The following MARCHF10 variants were observed in gnomAD, a reference collection of about 807,000 sequenced individuals.
MARCHF10 encodes the protein membrane associated ring-CH-type finger 10.
In MARCHF10, 64 loss-of-function variants were observed where a neutral mutation model predicts 76.2. That is an observed-to-expected ratio of 0.84 (90% CI 0.69 to 1.03). MARCHF10 has a LOEUF of 1.03. Among genes scored for constraint, MARCHF10 ranks in the 50% least tolerant of loss-of-function variants. MARCHF10 has a pLI of 0.00. For missense variants in MARCHF10, 875 were observed against 958.0 expected (o/e 0.91, Z 1.14); for synonymous variants, 340 against 357.5 (o/e 0.95, Z 0.55).
At chr17:62,761,213 TAG>T (rs754449121) in intron 3 of MARCHF10, among the ~76,000 whole-genome samples, 11 of 152,212 alleles carry the variant, frequency 7.2e-5, no homozygotes, top group Non-Finnish European at 1.6e-4. Context: ...ATTTTAAATT[TAG>T]AGTTTGGATA....
chr17:62,720,334 A>G (rs2090419808), intron 8 of MARCHF10, among the ~76,000 whole-genome samples: 1 of 152,164 alleles, frequency 6.6e-6, no homozygotes. Flanking sequence ...GAAGTATTCT[A>G]CAGTCCTTTG....
chr17:62,804,801 T>TACACACAC (rs140960337), intron 1 of MARCHF10: 3 of 151,262 alleles, frequency 2.0e-5, no homozygotes, highest in African/African-American at 7.3e-5. Flanking sequence ...CATTTATTTC[T>TACACACAC]ACACACACAC....
At chr17:62,804,249 G>C (rs1416273073) in intron 1 of MARCHF10, among the ~76,000 whole-genome samples, 1 of 152,180 alleles carries the variant, frequency 6.6e-6, no homozygotes, top group Non-Finnish European at 1.5e-5. Flanking sequence ...CTGCGGTGCG[G>C]CAAACGGAGA....
Position 62,701,470 on chromosome 17 carries a change from G to T in MARCHF10, c.*233C>A, listed in dbSNP as rs1406615985. 3.1e-6 allele frequency: 3 copies of T among 964,976 alleles called. No homozygotes were observed. The highest frequency in any genetic ancestry group is 3.3e-5 in the African/African-American group (2 of 60,724). 59.8% of individuals were successfully genotyped at this position (964,976 alleles called of 1,614,324 possible). ...GCAGCACCAGGCCAGCCTGCCAGGG[G>T]CTCCACAGTCCCACGCTGCTTGACC... On this transcript the variant is annotated 3_prime_UTR_variant, in exon 11 of 11. Coordinates refer to ENST00000311269, the MANE Select transcript of MARCHF10 (RefSeq NM_152598.4).
At chr17:62,764,599 T>A (rs1477957140) in intron 3 of MARCHF10, among the ~76,000 whole-genome samples, 1 of 116,580 alleles carries the variant, frequency 8.6e-6, no homozygotes. Context: ...CAAGGGACTG[T>A]GTGTGCCACC....
rs2147599064 is a variant in MARCHF10, at chr17:62,711,134, C to T, written c.2328+97G>A. 6 of 939,554 alleles carry T rather than the reference C, an allele frequency of 6.4e-6. No homozygotes were observed. Among genetic ancestry groups the T allele is most frequent in the East Asian group, 4.8e-5 (2 of 41,352 alleles). 58.2% of individuals were successfully genotyped at this position (939,554 alleles called of 1,614,324 possible). On this transcript the variant is annotated intron_variant, in intron 9 of 10. Coordinates refer to ENST00000311269, the MANE Select transcript of MARCHF10 (RefSeq NM_152598.4). This position sits in a 1 kb window ranked among gnomAD's most constrained non-coding sequence, Gnocchi z 4.4. ...AATGATAGTCCCATATCCTCCCAAG[C>T]GACCGTGAGGACCTCAACAGCTTGC...
In MARCHF10 at chr17:62,736,396, A is replaced by G. The variant is rs374994286; in HGVS notation, c.1472T>C (p.Met491Thr). The change falls in exon 6 of 11, where the codon ATG becomes ACG. Residue 491 changes from methionine (M) to threonine (T), a missense_variant. By Grantham distance (81) the Met-to-Thr change is moderately conservative. Coordinates refer to ENST00000311269, the MANE Select transcript of MARCHF10 (RefSeq NM_152598.4). Reference sequence around the variant, plus strand: ...TGAGCTGTGAACTGAAGTCGATGACATTGACAAGTCTACTGGAATATCATC... The same window carrying G: ...TGAGCTGTGAACTGAAGTCGATGACGTTGACAAGTCTACTGGAATATCATC... ...LRDDIPVDLS[M>T]SSTSVHSSDS... 7 of 1,614,092 alleles carry G rather than the reference A, an allele frequency of 4.3e-6. No individual in the cohort carries two copies. In the African/African-American group the frequency reaches 5.3e-5, roughly 12 times the overall value.
rs140049028 is a variant in MARCHF10, at chr17:62,701,762, G to A, written c.2372-4C>T. ...TTTCCATCTCCCAACTCCGAATCTG[G>A]AAGGCAAGAAGGTGTTTCAGGCTGG... is the stretch of plus-strand genomic sequence containing the variant. On this transcript the variant is annotated splice_region_variant and splice_polypyrimidine_tract_variant and intron_variant, in intron 10 of 10. Transcript: ENST00000311269. 5.8e-4 allele frequency: 940 copies of A among 1,614,058 alleles called. 6 individuals are homozygous for A. The African/African-American group carries it at 6.1e-3, about 11-fold the overall frequency.
chr17:62,801,562 T>G lies in MARCHF10; in HGVS notation c.90+84A>C, dbSNP rs748018975. ...TTGGATTTTAGAAAACTTTTACTGCTTATCATACGTTGATGCTGTATTCTG... is the reference window on the plus strand; with the variant it reads ...TTGGATTTTAGAAAACTTTTACTGCGTATCATACGTTGATGCTGTATTCTG... On this transcript the variant is annotated intron_variant, in intron 2 of 10. Coordinates refer to ENST00000311269, the MANE Select transcript of MARCHF10 (RefSeq NM_152598.4). 16 of 1,244,394 alleles carry G rather than the reference T, an allele frequency of 1.3e-5. No homozygotes were observed. In the African/African-American group the frequency reaches 2.2e-4, roughly 17 times the overall value. The allele number at this position is 1,244,394 out of a possible 1,614,324, so 77.1% of individuals were successfully genotyped here. A position where few individuals can be genotyped will look rare whatever the true frequency, so the allele number is the denominator to read the frequency against.
At chr17:62,735,290 T>C (rs1250323462) in intron 6 of MARCHF10, 1 of 152,212 alleles carries the variant, frequency 6.6e-6, no homozygotes, top group Non-Finnish European at 1.5e-5. Context: ...GTATCACATT[T>C]CATAGCTGTG....
chr17:62,780,599 A>T (rs2092640135), intron 3 of MARCHF10, among the ~76,000 whole-genome samples: 1 of 152,164 alleles, frequency 6.6e-6, no homozygotes, highest in South Asian at 2.1e-4. Context: ...TGGAATCTAA[A>T]TATTTAGCAC....
intron 10 of MARCHF10, among the ~76,000 whole-genome samples, chr17:62,704,218 C>T (rs1482474158): frequency 6.6e-6 from 1 of 151,714 alleles, no homozygotes; most frequent in East Asian, 1.9e-4. Flanking sequence ...GGCGGGGAGC[C>T]GCGGGGCCGA....
chr17:62,745,799 T>C (rs1366237791), intron 4 of MARCHF10, among the ~76,000 whole-genome samples: 1 of 152,236 alleles, frequency 6.6e-6, no homozygotes, highest in Admixed American at 6.5e-5. Flanking sequence ...CACATGTATT[T>C]AGCGTCAGTG....
At chr17:62,746,651 GA>G (rs757585222) in intron 4 of MARCHF10, among the ~76,000 whole-genome samples, 8 of 152,208 alleles carry the variant, frequency 5.3e-5, no homozygotes, top group Non-Finnish European at 1.2e-4. Context: ...CTCATGGAGA[GA>G]AGAGGAAGAA....
chr17:62,781,746 G>A (rs551495863), intron 3 of MARCHF10, among the ~76,000 whole-genome samples: 2 of 152,188 alleles, frequency 1.3e-5, no homozygotes, highest in East Asian at 1.9e-4. Context: ...TTATTTGATG[G>A]TAAATGCCTC....
At chr17:62,776,194 A>T (rs1300512788) in intron 3 of MARCHF10, among the ~76,000 whole-genome samples, 1 of 152,222 alleles carries the variant, frequency 6.6e-6, no homozygotes, top group Non-Finnish European at 1.5e-5. Flanking sequence ...ACATAGCGCT[A>T]CTTACAAAGG....
chr17:62,734,241 AAACAC>A (rs1257621741), intron 6 of MARCHF10, among the ~76,000 whole-genome samples: 1 of 152,090 alleles, frequency 6.6e-6, no homozygotes, highest in Non-Finnish European at 1.5e-5. Context: ...AAAAACCCCA[AAACAC>A]AACACAACGA....
At chr17:62,734,235 A>C (rs1204232167) in intron 6 of MARCHF10, among the ~76,000 whole-genome samples, 1 of 151,956 alleles carries the variant, frequency 6.6e-6, no homozygotes, top group African/African-American at 2.4e-5. Flanking sequence ...AAAGCAAAAA[A>C]CCCCAAAACA....
rs149512657 is a variant in MARCHF10 at position 62,803,087 on chromosome 17, G to A, written c.-17-1335C>T. Among the ~76,000 whole-genome samples the A allele has an allele frequency of 8.5e-5, 13 of 152,314 alleles. No individual in the cohort carries two copies. The East Asian group carries it at 1.9e-3, about 23-fold the overall frequency. On this transcript the variant is annotated intron_variant, in intron 1 of 10. Coordinates refer to ENST00000311269, the MANE Select transcript of MARCHF10 (RefSeq NM_152598.4). ...GAATCACTTGAGCCCAGGAGTTTGA[G>A]ATCAGCCTTGGCAATATAGCAAGAC...
Sources: gnomAD v4.1 joint callset for allele counts (sites outside exome capture counted in the v4.1 genomes callset) on GRCh38, gnomAD v4.1.1 for gene constraint, Gnocchi (gnomAD v3.1) non-coding constraint, MANE v1.5 for transcripts, NCBI Gene and HGNC (gene_info 2026-07-23, HGNC 2026-07-21) for gene names.